PDE5A: variants seen among roughly 807,000 people sequenced by gnomAD.
PDE5A encodes the protein phosphodiesterase 5A.
Under a neutral mutation model 110.2 loss-of-function variants are expected in PDE5A, and 67 were observed. That is an observed-to-expected ratio of 0.61 (90% CI 0.50 to 0.75). The LOEUF is 0.75. PDE5A is among the 30% of genes least tolerant of loss of function. PDE5A has a pLI of 0.00. For synonymous variants in PDE5A, 328 were observed against 351.2 expected (o/e 0.93, Z 0.74); for missense variants, 862 against 1,045.1 (o/e 0.82, Z 2.42).
At chr4:119,535,301 T>A (rs765687948) in intron 11 of PDE5A, among the ~76,000 whole-genome samples, 7 of 152,124 alleles carry the variant, frequency 4.6e-5, no homozygotes, top group Admixed American at 1.3e-4. Context: ...CCTTTCTATC[T>A]AACCTAAGCT....
intron 1 of PDE5A, among the ~76,000 whole-genome samples, chr4:119,614,942 G>A (rs1729883828): frequency 6.6e-6 from 1 of 152,140 alleles, no homozygotes; most frequent in African/African-American, 2.4e-5. Context: ...CTTTTATGAA[G>A]TGTAAGGTGC....
chr4:119,502,820 C>CTT (rs1291733938), intron 18 of PDE5A, among the ~76,000 whole-genome samples, 165 bp from the exon 19 acceptor site: 1 of 152,196 alleles, frequency 6.6e-6, no homozygotes, highest in Non-Finnish European at 1.5e-5. Flanking sequence ...AGCGTGCTCT[C>CTT]TTAACTATTA....
Position 119,618,927 on chromosome 4 carries a change from G to C in PDE5A, c.152+9593C>G, listed in dbSNP as rs1276290428. 5.3e-5 allele frequency among the ~76,000 whole-genome samples: 8 copies of C among 152,216 alleles called. No individual in the cohort carries two copies. In the East Asian group the frequency reaches 1.5e-3, roughly 29 times the overall value. ...CTTGGACCTCAAAAATGTCCATATA[G>C]CAAGTCCATTGAGCAGTAACTTTTG... On this transcript the variant is annotated intron_variant, in intron 1 of 20. Coordinates refer to ENST00000354960, the MANE Select transcript of PDE5A (RefSeq NM_001083.4).
At chr4:119,591,878 G>A (rs547699371) in intron 3 of PDE5A, among the ~76,000 whole-genome samples, 3 of 152,174 alleles carry the variant, frequency 2.0e-5, no homozygotes, top group South Asian at 2.1e-4. Flanking sequence ...TGGGCCGGGC[G>A]CAGTGGCTCA....
intron 3 of PDE5A, among the ~76,000 whole-genome samples, chr4:119,585,091 C>T (rs931421003): frequency 6.6e-6 from 1 of 152,038 alleles, no homozygotes; most frequent in Non-Finnish European, 1.5e-5. Flanking sequence ...CTGGCCAACA[C>T]AGTGAAACCC....
chr4:119,539,273 A>G (rs1233428459), intron 10 of PDE5A, among the ~76,000 whole-genome samples: 2 of 152,160 alleles, frequency 1.3e-5, no homozygotes, highest in African/African-American at 2.4e-5. Flanking sequence ...CATTATTGCT[A>G]TAACAAACAC....
At chr4:119,555,843 A>G (rs1727516833) in intron 7 of PDE5A, among the ~76,000 whole-genome samples, 1 of 152,190 alleles carries the variant, frequency 6.6e-6, no homozygotes, top group Non-Finnish European at 1.5e-5. Context: ...GGTTTTCCTG[A>G]TGGTTACTTT....
chr4:119,529,557 G>T (rs989050183), intron 11 of PDE5A, among the ~76,000 whole-genome samples: 2 of 152,132 alleles, frequency 1.3e-5, no homozygotes, highest in Non-Finnish European at 2.9e-5. Context: ...TGACTCTAGA[G>T]GGAATACTGC....
At chr4:119,563,182 G>C (rs576190107) in intron 5 of PDE5A, among the ~76,000 whole-genome samples, 1 of 152,256 alleles carries the variant, frequency 6.6e-6, no homozygotes, top group East Asian at 1.9e-4. Context: ...TCTGAAGCCA[G>C]AGTAATCAGT....
intron 1 of PDE5A, among the ~76,000 whole-genome samples, chr4:119,608,306 C>T (rs528906471): frequency 4.0e-4 from 61 of 152,200 alleles, no homozygotes; most frequent in African/African-American, 1.4e-3. Flanking sequence ...ATGAAAGAAA[C>T]TCATTTGAGC....
chr4:119,554,683 C>A (rs910327686), intron 7 of PDE5A, among the ~76,000 whole-genome samples: 3 of 151,718 alleles, frequency 2.0e-5, no homozygotes, highest in African/African-American at 7.3e-5. Context: ...CCTCTGTACC[C>A]ACAAGTCCAC....
chr4:119,607,619 C>T (rs1280123883), intron 1 of PDE5A, among the ~76,000 whole-genome samples: 1 of 152,014 alleles, frequency 6.6e-6, no homozygotes, highest in Admixed American at 6.6e-5. Flanking sequence ...TGCCTATGAT[C>T]CTAACTACTG....
Position 119,548,543 on chromosome 4 carries a change from TGTTGTATAAAATGTG to T in PDE5A, c.1396+3992_1396+4006del, listed in dbSNP as rs1480492940. 3 of 152,216 alleles carry T rather than the reference TGTTGTATAAAATGTG, an allele frequency of 2.0e-5. No homozygotes were observed. The East Asian group carries it at 5.8e-4, about 29-fold the overall frequency. The allele number at this position is 152,216 out of a possible 1,614,324, so 9.4% of individuals were successfully genotyped here. On this transcript the variant is annotated intron_variant, in intron 9 of 20. Transcript: ENST00000354960. ...GTTATCCCTATTCAATTTTTGCCCA[TGTTGTATAAAATGTG>T]TCTTTACAAATGACGTATACTTCAC...
chr4:119,535,024 C>A (rs748757922), intron 11 of PDE5A, among the ~76,000 whole-genome samples: 9 of 152,144 alleles, frequency 5.9e-5, no homozygotes, highest in Non-Finnish European at 1.3e-4. Context: ...TAAAACCAAA[C>A]CCTGGTATAT....
chr4:119,541,909 T>C (rs1415533193), intron 10 of PDE5A: 1 of 152,182 alleles, frequency 6.6e-6, no homozygotes, highest in African/African-American at 2.4e-5. Context: ...ACTTGCTGAA[T>C]CAGAACTTTC....
rs191051026 is a variant in PDE5A, at chr4:119,557,791, T to A, written c.1199+2505A>T. ...CCAGTATGTGGTGCAACTTAAATAC[T>A]TACATTTAAATACAATCAATCTGAC... On this transcript the variant is annotated intron_variant, in intron 7 of 20. Transcript: ENST00000354960. 5.3e-5 allele frequency among the ~76,000 whole-genome samples: 8 copies of A among 152,300 alleles called. No homozygotes were observed. The East Asian group carries it at 1.2e-3, about 22-fold the overall frequency.
chr4:119,610,721 C>T (rs575928833), intron 1 of PDE5A, among the ~76,000 whole-genome samples: 1 of 152,310 alleles, frequency 6.6e-6, no homozygotes, highest in South Asian at 2.1e-4. Context: ...TCCTTCAACT[C>T]TCACATTCAG....
At chr4:119,564,645 C>T (rs1009534483) in intron 5 of PDE5A, among the ~76,000 whole-genome samples, 3 of 151,936 alleles carry the variant, frequency 2.0e-5, no homozygotes, top group African/African-American at 7.3e-5. Context: ...TGAGGCTATA[C>T]TAGAGCAAAG....
chr4:119,624,447 G>A (rs1022748040), intron 1 of PDE5A, among the ~76,000 whole-genome samples: 1 of 152,162 alleles, frequency 6.6e-6, no homozygotes, highest in Non-Finnish European at 1.5e-5. Flanking sequence ...CACAGGACCA[G>A]GAACCTCAAT....
Sources: allele counts gnomAD v4.1 joint callset (sites outside exome capture counted in the v4.1 genomes callset), GRCh38; gene constraint gnomAD v4.1.1; transcripts MANE v1.5; gene names NCBI Gene and HGNC (gene_info 2026-07-23, HGNC 2026-07-21).